Variants in ACAP2 observed in about 807,000 individuals in gnomAD.
ACAP2 encodes the protein ArfGAP with coiled-coil, ankyrin repeat and PH domains 2, also known as arf-GAP with coiled-coil, ANK repeat and PH domain-containing protein 2.
ACAP2 carries 39 observed loss-of-function variants against 115.8 expected under a neutral mutation model. The observed-to-expected ratio is 0.34, with a 90% CI of 0.26 to 0.44. The LOEUF is 0.44. Among genes scored for constraint, ACAP2 ranks in the 20% least tolerant of loss-of-function variants. ACAP2 has a pLI of 1.00. For missense variants in ACAP2, 662 were observed against 927.6 expected, an observed-to-expected ratio of 0.71 and a Z score of 3.72; for synonymous variants, 289 against 315.8, an observed-to-expected ratio of 0.92 and a Z score of 0.90.
intron 1 of ACAP2, among the ~76,000 whole-genome samples, chr3:195,419,076 C>T (rs1713964913): frequency 6.6e-6 from 1 of 152,084 alleles, no homozygotes; most frequent in Non-Finnish European, 1.5e-5. Context: ...TGTTTAGCTG[C>T]CTTATCGAGA....
At chr3:195,404,068 C>A (rs1178390451) in intron 1 of ACAP2, among the ~76,000 whole-genome samples, 1 of 152,142 alleles carries the variant, frequency 6.6e-6, no homozygotes, top group African/African-American at 2.4e-5. Context: ...AGGCCCCGCA[C>A]GGTGGCTCAT....
At chr3:195,391,344 C>T (rs1734664154) in intron 2 of ACAP2, among the ~76,000 whole-genome samples, 1 of 151,728 alleles carries the variant, frequency 6.6e-6, no homozygotes, top group African/African-American at 2.4e-5. Context: ...ATTCTCCTGC[C>T]TCAGCCTCCC....
At chr3:195,372,771 ACCACTGTACT>A (rs1733244994) in intron 4 of ACAP2, among the ~76,000 whole-genome samples, 1 of 152,112 alleles carries the variant, frequency 6.6e-6, no homozygotes, top group Non-Finnish European at 1.5e-5. Flanking sequence ...CTCTGATCAT[ACCACTGTACT>A]CCAGCCTTAG....
chr3:195,301,917 C>T, intron 14 of ACAP2, 49 bp downstream of exon 14: 1 of 1,576,922 alleles, frequency 6.3e-7, no homozygotes, highest in Admixed American at 1.8e-5. Flanking sequence ...CCATTTCTAT[C>T]TGTGTTTATC....
At chr3:195,376,324 G>A (rs1322908765) in intron 4 of ACAP2, among the ~76,000 whole-genome samples, 2 of 152,076 alleles carry the variant, frequency 1.3e-5, no homozygotes, top group African/African-American at 4.8e-5. Context: ...AACCTGGGAA[G>A]TGGAGGCTGC....
chr3:195,372,100 T>A (rs1185917135), intron 4 of ACAP2, among the ~76,000 whole-genome samples: 2 of 152,128 alleles, frequency 1.3e-5, no homozygotes, highest in Non-Finnish European at 1.5e-5. Flanking sequence ...ACGAGATTAG[T>A]TACAATAATA....
intron 1 of ACAP2, among the ~76,000 whole-genome samples, chr3:195,395,246 AT>A (rs1711645674): frequency 6.6e-6 from 1 of 152,192 alleles, no homozygotes; most frequent in African/African-American, 2.4e-5. Context: ...ATAGCTTAAA[AT>A]TTAATTTAAA....
intron 1 of ACAP2, among the ~76,000 whole-genome samples, chr3:195,399,459 C>T (rs1225333315): frequency 1.3e-5 from 2 of 152,106 alleles, no homozygotes; most frequent in East Asian, 1.9e-4. Context: ...ACTAGGATTA[C>T]AGGCGTGAGC....
intron 4 of ACAP2, among the ~76,000 whole-genome samples, chr3:195,348,234 T>C (rs1385310728): frequency 1.3e-5 from 2 of 152,046 alleles, no homozygotes; most frequent in African/African-American, 2.4e-5. Flanking sequence ...GGATGTCAAC[T>C]GTAAAGCTGT....
At chr3:195,292,668 TC>T (rs1727337923) in intron 18 of ACAP2, among the ~76,000 whole-genome samples, 1 of 152,042 alleles carries the variant, frequency 6.6e-6, no homozygotes, top group South Asian at 2.1e-4. Context: ...ACGCCTGCAA[TC>T]CCAGCACTTT....
chr3:195,324,477 G>A (rs953595262), intron 9 of ACAP2, among the ~76,000 whole-genome samples: 10 of 152,072 alleles, frequency 6.6e-5, no homozygotes, highest in South Asian at 2.1e-4. Context: ...CCTAAAAAGC[G>A]GCACGGTGGC....
intron 4 of ACAP2, among the ~76,000 whole-genome samples, chr3:195,347,829 A>G (rs1731281639): frequency 6.6e-6 from 1 of 152,086 alleles, no homozygotes; most frequent in African/African-American, 2.4e-5. Context: ...GCAACATGGC[A>G]AGACCCATCT....
In ACAP2 at chr3:195,304,163, C is replaced by CAAAAA. The variant is rs56055597; in HGVS notation, c.1117-1994_1117-1990dup. ...TGGGCAATGGAGTGAGACTCCATCT[C>CAAAAA]AAAAAAAAAAAAAAAAAAAAAAAAA... On this transcript the variant is annotated intron_variant, in intron 13 of 22. Transcript: ENST00000326793. Among the ~76,000 whole-genome samples, 38 of 63,268 alleles carry CAAAAA rather than the reference C, an allele frequency of 6.0e-4. 2 individuals carry two copies. Among genetic ancestry groups the CAAAAA allele is most frequent in the Middle Eastern group, 0.013 (1 of 76 alleles). 41.5% of individuals were successfully genotyped at this position (63,268 alleles called of 152,430 possible).
At chr3:195,333,939 A>C (rs1730336123) in intron 7 of ACAP2, among the ~76,000 whole-genome samples, 1 of 152,226 alleles carries the variant, frequency 6.6e-6, no homozygotes, top group Admixed American at 6.5e-5. Context: ...ATTTGCCAAC[A>C]TGGAAGTTTC....
At chr3:195,305,841 G>A (rs1409246034) in intron 13 of ACAP2, among the ~76,000 whole-genome samples, 1 of 151,490 alleles carries the variant, frequency 6.6e-6, no homozygotes, top group Non-Finnish European at 1.5e-5. Context: ...GCCTGAAAAG[G>A]TTCTGCTTTG....
intron 6 of ACAP2, among the ~76,000 whole-genome samples, chr3:195,342,246 T>C (rs1447757201): frequency 6.6e-6 from 1 of 152,056 alleles, no homozygotes; most frequent in Non-Finnish European, 1.5e-5. Flanking sequence ...AAATGGGAAA[T>C]ATAATGTTAA....
At chr3:195,441,173 C>G (rs1483507570) in intron 1 of ACAP2, among the ~76,000 whole-genome samples, 1 of 151,476 alleles carries the variant, frequency 6.6e-6, no homozygotes, top group African/African-American at 2.4e-5. Flanking sequence ...GAGTTCAAAG[C>G]TACATCTTCT....
chr3:195,424,694 T>C lies in ACAP2; in HGVS notation c.53+18101A>G, dbSNP rs111792053. Reference sequence around the variant, plus strand: ...ACCTGGGGAGGCCAAGATGGGAGGATAGCTTCAGCCCAGGAGTTCAAGACC... The same window carrying C: ...ACCTGGGGAGGCCAAGATGGGAGGACAGCTTCAGCCCAGGAGTTCAAGACC... On this transcript the variant is annotated intron_variant, in intron 1 of 22. Transcript: ENST00000326793. Among the ~76,000 whole-genome samples the C allele has an allele frequency of 2.0e-3, 301 of 151,774 alleles. 3 individuals carry two copies. The Middle Eastern group carries it at 0.021, about 10-fold the overall frequency.
chr3:195,308,705 A>G (rs945387240), intron 11 of ACAP2, 81 bp downstream of exon 11: 5 of 1,105,778 alleles, frequency 4.5e-6, no homozygotes, highest in South Asian at 1.4e-5. Flanking sequence ...ACAAATGAGT[A>G]TGTATAGACT....
Sources: allele counts gnomAD v4.1 joint callset (sites outside exome capture counted in the v4.1 genomes callset), GRCh38; gene constraint gnomAD v4.1.1; transcripts MANE v1.5; gene names NCBI Gene and HGNC (gene_info 2026-07-23, HGNC 2026-07-21).